The following GPHN variants were observed in gnomAD, a reference collection of about 807,000 sequenced individuals.
GPHN encodes gephyrin.
A neutral mutation model predicts 95.5 loss-of-function variants in GPHN; 17 were observed. The ratio of observed to expected loss-of-function variants is 0.18; its 90% CI spans 0.12 to 0.27. The LOEUF is 0.27. GPHN is among the 10% of genes least tolerant of loss of function. GPHN has a pLI of 1.00. For missense variants in GPHN, 660 were observed against 978.1 expected (o/e 0.67, Z 4.34); for synonymous variants, 320 against 322.5 (o/e 0.99, Z 0.08).
At chr14:67,233,188 C>T in the GPHN span, among the ~76,000 whole-genome samples, 2 of 148,474 alleles carry the variant, frequency 1.3e-5, no homozygotes, top group African/African-American at 2.5e-5. Context: ...GTCACTCAGG[C>T]TGGAGTGCAG....
rs541427222 is a variant in GPHN, at chr14:66,662,387, G to A, written c.65-18720G>A. ...CCTCAGGTACTGGAAAACCTAAGGC[G>A]ACTAGGGACTAGAGCAGATGCCCAG... is the stretch of plus-strand genomic sequence containing the variant. On this transcript the variant is annotated intron_variant, in intron 1 of 22. Coordinates refer to ENST00000478722, the MANE Select transcript of GPHN (RefSeq NM_020806.5). Among the ~76,000 whole-genome samples the A allele has an allele frequency of 3.3e-5, 5 of 152,146 alleles. No homozygotes were observed. In the South Asian group the frequency reaches 6.2e-4, roughly 19 times the overall value.
At chr14:67,441,621 CT>C in the GPHN span, among the ~76,000 whole-genome samples, 1 of 151,788 alleles carries the variant, frequency 6.6e-6, no homozygotes, top group African/African-American at 2.4e-5. Context: ...GAGGGTGTTT[CT>C]GGCTGGGATT....
chr14:67,620,301 G>A, the GPHN span, among the ~76,000 whole-genome samples: 1 of 151,994 alleles, frequency 6.6e-6, no homozygotes, highest in Non-Finnish European at 1.5e-5. Flanking sequence ...GGGGTGGAGG[G>A]CACCCTGTTT....
At chr14:67,619,850 T>A in the GPHN span, 1 of 628,450 alleles carries the variant, frequency 1.6e-6, no homozygotes, top group Non-Finnish European at 2.6e-6. Flanking sequence ...GGGGCCAATG[T>A]GGCGGTGACG....
chr14:67,464,728 A>G, the GPHN span, among the ~76,000 whole-genome samples: 1 of 152,086 alleles, frequency 6.6e-6, no homozygotes, highest in Non-Finnish European at 1.5e-5. Flanking sequence ...GAAGCTCCCT[A>G]TTCATTTGCA....
At chr14:66,940,054 C>G (rs2067330317) in intron 8 of GPHN, among the ~76,000 whole-genome samples, 2 of 152,056 alleles carry the variant, frequency 1.3e-5, no homozygotes, top group African/African-American at 4.8e-5. Flanking sequence ...AACTTTTACC[C>G]TTTTGCTAGC....
the GPHN span, chr14:67,203,036 AG>A: frequency 6.4e-7 from 1 of 1,552,820 alleles, no homozygotes; most frequent in African/African-American, 1.4e-5. Flanking sequence ...CAGGCAAGCA[AG>A]GTTGTCAAAG....
chr14:66,983,260 A>G (rs1181955130), intron 9 of GPHN, among the ~76,000 whole-genome samples: 1 of 152,170 alleles, frequency 6.6e-6, no homozygotes. Flanking sequence ...TCAAAAAAAT[A>G]ATAATAATAA....
intron 1 of GPHN, among the ~76,000 whole-genome samples, chr14:66,537,279 C>T (rs1457865620): frequency 3.9e-5 from 6 of 151,986 alleles, no homozygotes; most frequent in Admixed American, 3.3e-4. Context: ...TTTTATCTTA[C>T]TGTTTCTTTT....
chr14:67,079,482 C>T (rs2076610772), intron 11 of GPHN, among the ~76,000 whole-genome samples: 1 of 152,040 alleles, frequency 6.6e-6, no homozygotes. Context: ...ATAAATTTGC[C>T]TATTTGGGAC....
chr14:66,664,908 A>G (rs1382979574), intron 1 of GPHN, among the ~76,000 whole-genome samples: 2 of 151,198 alleles, frequency 1.3e-5, no homozygotes, highest in African/African-American at 2.4e-5. Flanking sequence ...CCCTACCAAA[A>G]GTGAACCAGG....
the GPHN span, chr14:67,571,847 C>G: frequency 6.2e-7 from 1 of 1,613,850 alleles, no homozygotes; most frequent in Admixed American, 1.7e-5. Flanking sequence ...TCTCGGTCCC[C>G]TCCTCTGAGT....
At chr14:66,842,687 A>T in intron 4 of GPHN, 6 of 1,534,888 alleles carry the variant, frequency 3.9e-6, no homozygotes, top group Non-Finnish European at 5.2e-6. Flanking sequence ...GAAATTCCCA[A>T]CATTCCCATT....
chr14:66,588,271 C>T (rs898901130), intron 1 of GPHN, among the ~76,000 whole-genome samples: 7 of 151,976 alleles, frequency 4.6e-5, no homozygotes, highest in Admixed American at 2.0e-4. Flanking sequence ...GAGAAATCCA[C>T]GAAGTTGAGG....
chr14:66,852,987 G>T (rs1287251249), intron 4 of GPHN, among the ~76,000 whole-genome samples: 1 of 152,122 alleles, frequency 6.6e-6, no homozygotes, highest in Non-Finnish European at 1.5e-5. Flanking sequence ...TATAATCAGT[G>T]CTTTTTGCAT....
chr14:66,716,383 G>A (rs2070183896), intron 2 of GPHN, among the ~76,000 whole-genome samples: 1 of 152,066 alleles, frequency 6.6e-6, no homozygotes, highest in African/African-American at 2.4e-5. Flanking sequence ...TACTTCATGT[G>A]AGTCCTTAAG....
chr14:67,038,121 C>T (rs960985624), intron 10 of GPHN, among the ~76,000 whole-genome samples: 1 of 151,888 alleles, frequency 6.6e-6, no homozygotes, highest in African/African-American at 2.4e-5. Context: ...ATTATTGAGC[C>T]TCCAAAAAAT....
At chr14:67,512,536 G>A in the GPHN span, among the ~76,000 whole-genome samples, 1 of 152,168 alleles carries the variant, frequency 6.6e-6, no homozygotes, top group Non-Finnish European at 1.5e-5. Context: ...GTAGGGAGAT[G>A]GGGGAGGAGA....
the GPHN span, among the ~76,000 whole-genome samples, chr14:67,273,358 T>C: frequency 2.7e-5 from 4 of 150,518 alleles, no homozygotes; most frequent in Non-Finnish European, 4.4e-5. Context: ...CACCTATGAG[T>C]GAGAACATGC....
Sources: gnomAD v4.1 joint callset for allele counts (sites outside exome capture counted in the v4.1 genomes callset) on GRCh38, gnomAD v4.1.1 for gene constraint, MANE v1.5 for transcripts, NCBI Gene and HGNC (gene_info 2026-07-23, HGNC 2026-07-21) for gene names.